TNFRSF19: variants seen among roughly 807,000 people sequenced by gnomAD.
TNFRSF19 encodes TNF receptor superfamily member 19, also known as tumor necrosis factor receptor superfamily member 19.
Under a neutral mutation model 46.4 loss-of-function variants are expected in TNFRSF19, and 27 were observed. That is an observed-to-expected ratio of 0.58 (90% CI 0.43 to 0.80). TNFRSF19 has a LOEUF of 0.80. Among genes scored for constraint, TNFRSF19 ranks in the 30% least tolerant of loss-of-function variants. TNFRSF19 has a pLI of 0.00. For synonymous variants in TNFRSF19, 204 were observed against 205.0 expected (o/e 1.00, Z 0.04); for missense variants, 511 against 530.8 (o/e 0.96, Z 0.37).
intron 3 of TNFRSF19, among the ~76,000 whole-genome samples, chr13:23,601,827 G>T (rs1398396744): frequency 6.6e-6 from 1 of 152,128 alleles, no homozygotes; most frequent in Non-Finnish European, 1.5e-5. Flanking sequence ...TAAATGTATA[G>T]TGCAACCTCT....
intron 3 of TNFRSF19, among the ~76,000 whole-genome samples, chr13:23,597,592 G>C (rs968935918): frequency 6.8e-6 from 1 of 146,396 alleles, no homozygotes; most frequent in Non-Finnish European, 1.5e-5. Flanking sequence ...TTCTGAAATT[G>C]AGGCAATAAT....
At chr13:23,587,631 G>A (rs953682473) in intron 1 of TNFRSF19, among the ~76,000 whole-genome samples, 3 of 152,196 alleles carry the variant, frequency 2.0e-5, no homozygotes, top group African/African-American at 7.2e-5. Flanking sequence ...CTGGATGCTG[G>A]TGATGGGTTA....
intron 1 of TNFRSF19, among the ~76,000 whole-genome samples, chr13:23,580,929 A>C (rs1213665291): frequency 6.6e-6 from 1 of 152,188 alleles, no homozygotes; most frequent in African/African-American, 2.4e-5. Context: ...TGACTTTAGG[A>C]AACTTTTTTC....
intron 5 of TNFRSF19, among the ~76,000 whole-genome samples, chr13:23,657,222 C>T (rs1884039771): frequency 6.6e-6 from 1 of 152,060 alleles, no homozygotes; most frequent in Non-Finnish European, 1.5e-5. Flanking sequence ...CTGGAAATAC[C>T]AAGACTCATG....
At chr13:23,612,381 A>T (rs187099675) in intron 3 of TNFRSF19, among the ~76,000 whole-genome samples, 1 of 152,350 alleles carries the variant, frequency 6.6e-6, no homozygotes, top group Non-Finnish European at 1.5e-5. Flanking sequence ...TAGTATTTAT[A>T]TGTAGTTTAC....
intron 3 of TNFRSF19, among the ~76,000 whole-genome samples, chr13:23,594,841 G>A (rs751154686): frequency 3.8e-4 from 58 of 152,304 alleles, no homozygotes; most frequent in Non-Finnish European, 6.6e-4. Flanking sequence ...AGCAGGGGTC[G>A]CCAGACACCT....
chr13:23,576,375 C>T (rs1369778062), intron 1 of TNFRSF19, among the ~76,000 whole-genome samples: 3 of 152,074 alleles, frequency 2.0e-5, no homozygotes, highest in Admixed American at 6.5e-5. Flanking sequence ...TCAGGTGATC[C>T]GCCTGCCTCG....
rs780939967 is a variant in TNFRSF19 at position 23,674,529 on chromosome 13, G to A, written c.*1149G>A. Reference sequence around the variant, plus strand: ...CATCCGGTGTTGGATTTAAGAGGACGGTGCTTCTTTCTATTAAAGTGCTCC... The same window carrying A: ...CATCCGGTGTTGGATTTAAGAGGACAGTGCTTCTTTCTATTAAAGTGCTCC... On this transcript the variant is annotated 3_prime_UTR_variant, in exon 10 of 10. Coordinates refer to ENST00000248484, the MANE Select transcript of TNFRSF19 (RefSeq NM_148957.4). 2.6e-5 allele frequency: 4 copies of A among 152,148 alleles called. No homozygotes were observed. The highest frequency in any genetic ancestry group is 2.1e-4 in the South Asian group (1 of 4,824). The allele number at this position is 152,148 out of a possible 1,614,324, so 9.4% of individuals were successfully genotyped here.
At chr13:23,646,174 G>T (rs1197125527) in intron 5 of TNFRSF19, among the ~76,000 whole-genome samples, 4 of 152,102 alleles carry the variant, frequency 2.6e-5, no homozygotes, top group African/African-American at 9.7e-5. Context: ...TCCCTCCCCG[G>T]TCAGCGGGCA....
intron 4 of TNFRSF19, among the ~76,000 whole-genome samples, chr13:23,624,975 C>T (rs918556682): frequency 6.6e-6 from 1 of 152,032 alleles, no homozygotes. Flanking sequence ...TGGTCTTGAA[C>T]TCCCGACCTC....
rs1884186496 is a variant in TNFRSF19, at chr13:23,659,298, T to G, written c.610+84T>G. ...GTCGTGCAAGTGTTCCACAAGAGAC[T>G]TGGCTGAGACAAGCACCAGTGAGTT... On this transcript the variant is annotated intron_variant, in intron 6 of 9. Transcript: ENST00000248484. The surrounding 1 kb of genome is among the most constrained non-coding windows in gnomAD (Gnocchi z 4.9). 6 of 1,456,070 alleles carry G rather than the reference T, an allele frequency of 4.1e-6. No homozygotes were observed. In the South Asian group the frequency reaches 8.0e-5, roughly 19 times the overall value. The allele number at this position is 1,456,070 out of a possible 1,614,324, so 90.2% of individuals were successfully genotyped here. A position where few individuals can be genotyped will look rare whatever the true frequency, so the allele number is the denominator to read the frequency against.
chr13:23,655,679 A>G (rs1883932933), intron 5 of TNFRSF19, among the ~76,000 whole-genome samples: 1 of 152,112 alleles, frequency 6.6e-6, no homozygotes, highest in Non-Finnish European at 1.5e-5. Flanking sequence ...TATCAGCAAT[A>G]TCTCAATTAA....
intron 3 of TNFRSF19, among the ~76,000 whole-genome samples, chr13:23,606,606 A>T (rs1332673992): frequency 6.6e-6 from 1 of 152,228 alleles, no homozygotes; most frequent in East Asian, 1.9e-4. Context: ...TACTTGGAAA[A>T]AAAAGTGACA....
At chr13:23,594,702 C>A (rs1055300818) in intron 3 of TNFRSF19, among the ~76,000 whole-genome samples, 2 of 152,234 alleles carry the variant, frequency 1.3e-5, no homozygotes, top group Non-Finnish European at 2.9e-5. Context: ...CAGACTTAAA[C>A]GTTCCTGCCT....
intron 4 of TNFRSF19, among the ~76,000 whole-genome samples, chr13:23,617,448 C>A (rs1881380737): frequency 6.6e-6 from 1 of 152,074 alleles, no homozygotes; most frequent in Admixed American, 6.6e-5. Flanking sequence ...AGGAGAGAGT[C>A]TGGATGAAGA....
chr13:23,613,659 T>C (rs770897557), intron 3 of TNFRSF19, among the ~76,000 whole-genome samples: 1 of 152,226 alleles, frequency 6.6e-6, no homozygotes, highest in Non-Finnish European at 1.5e-5. Flanking sequence ...ACCTTTGCTG[T>C]GGAGAACCCT....
chr13:23,585,202 A>G (rs750069630), intron 1 of TNFRSF19, among the ~76,000 whole-genome samples: 1 of 152,248 alleles, frequency 6.6e-6, no homozygotes, highest in Non-Finnish European at 1.5e-5. Context: ...ACATAGTGTG[A>G]ATACAGTTTT....
intron 4 of TNFRSF19, among the ~76,000 whole-genome samples, chr13:23,626,101 T>C (rs67752985): frequency 1.3e-5 from 2 of 151,950 alleles, no homozygotes; most frequent in African/African-American, 4.8e-5. Flanking sequence ...CCATAATTAG[T>C]ACAATTTTTC....
chr13:23,673,598 C>G lies in TNFRSF19; in HGVS notation c.*218C>G. 1 of 1,225,340 alleles carries G rather than the reference C, an allele frequency of 8.2e-7. No homozygotes were observed. The highest frequency in any genetic ancestry group is 1.0e-6 in the Non-Finnish European group (1 of 976,578). 75.9% of individuals were successfully genotyped at this position (1,225,340 alleles called of 1,614,324 possible). A position where few individuals can be genotyped will look rare whatever the true frequency, so the allele number is the denominator to read the frequency against. ...TGAATAACAAGAAAAGACTCCAGGC[C>G]GACTCATGATACTCTGCATCTTTCC... On this transcript the variant is annotated 3_prime_UTR_variant, in exon 10 of 10. Coordinates refer to ENST00000248484, the MANE Select transcript of TNFRSF19 (RefSeq NM_148957.4).
Sources: gnomAD v4.1 joint callset for allele counts (sites outside exome capture counted in the v4.1 genomes callset) on GRCh38, gnomAD v4.1.1 for gene constraint, Gnocchi (gnomAD v3.1) non-coding constraint, MANE v1.5 for transcripts, NCBI Gene and HGNC (gene_info 2026-07-23, HGNC 2026-07-21) for gene names.